The following CMTM8 variants were observed in gnomAD, a reference collection of about 807,000 sequenced individuals.
CMTM8 encodes the protein CKLF-like MARVEL transmembrane domain-containing protein 8.
In CMTM8, 12 loss-of-function variants were observed where a neutral mutation model predicts 18.6. That is an observed-to-expected ratio of 0.65 (90% CI 0.41 to 1.05). CMTM8 has a LOEUF of 1.05. Among genes scored for constraint, CMTM8 ranks in the 50% least tolerant of loss-of-function variants. The pLI, the probability that CMTM8 is intolerant of heterozygous loss-of-function variation, is 0.00. For synonymous variants in CMTM8, 87 were observed against 90.6 expected (o/e 0.96, Z 0.23); for missense variants, 217 against 227.2 (o/e 0.95, Z 0.29).
intron 1 of CMTM8, among the ~76,000 whole-genome samples, chr3:32,283,086 C>G (rs1702630797): frequency 6.6e-6 from 1 of 152,034 alleles, no homozygotes; most frequent in Admixed American, 6.6e-5. Context: ...TGCTGTATCC[C>G]TAGTACTTAA....
chr3:32,369,555 C>T (rs540210317), intron 3 of CMTM8, among the ~76,000 whole-genome samples: 3 of 152,100 alleles, frequency 2.0e-5, no homozygotes, highest in Admixed American at 1.3e-4. Flanking sequence ...TGTAGCAATC[C>T]GAGATTGTAC....
intron 1 of CMTM8, among the ~76,000 whole-genome samples, chr3:32,268,345 CA>C (rs1046782238): frequency 2.0e-5 from 3 of 151,954 alleles, no homozygotes; most frequent in African/African-American, 7.3e-5. Context: ...CTCGCAAGGA[CA>C]AAAAACCAAA....
chr3:32,304,260 A>C (rs550479778), intron 1 of CMTM8, among the ~76,000 whole-genome samples: 2 of 152,100 alleles, frequency 1.3e-5, no homozygotes, highest in Non-Finnish European at 2.9e-5. Flanking sequence ...TCTCATGTAA[A>C]AGTTTGGGTG....
At chr3:32,324,733 T>G (rs9870937) in intron 1 of CMTM8, among the ~76,000 whole-genome samples, 13,681 of 152,282 alleles carry the variant, frequency 0.09, 694 homozygotes, top group African/African-American at 0.12. Flanking sequence ...TGGCTGGGCC[T>G]GAGAATCAAA....
chr3:32,268,898 G>A (rs909504217), intron 1 of CMTM8, among the ~76,000 whole-genome samples: 2 of 152,214 alleles, frequency 1.3e-5, no homozygotes, highest in Non-Finnish European at 1.5e-5. Flanking sequence ...ATTATAACAG[G>A]TGCCGCTTTC....
chr3:32,267,437 T>C (rs1032492646), intron 1 of CMTM8, among the ~76,000 whole-genome samples: 43 of 152,180 alleles, frequency 2.8e-4, no homozygotes, highest in Non-Finnish European at 2.9e-5. Context: ...TTACACCTTA[T>C]ACAAAAATTA....
intron 1 of CMTM8, among the ~76,000 whole-genome samples, chr3:32,328,227 A>G (rs1448752248): frequency 6.6e-6 from 1 of 152,008 alleles, no homozygotes; most frequent in African/African-American, 2.4e-5. Context: ...AATACAAAAA[A>G]TTAGCCAGGT....
chr3:32,308,916 G>A (rs572104236), intron 1 of CMTM8, among the ~76,000 whole-genome samples: 3 of 152,262 alleles, frequency 2.0e-5, no homozygotes, highest in African/African-American at 7.2e-5. Context: ...TCCTTCCTAT[G>A]CTGGAAAGTC....
chr3:32,353,539 G>C (rs766145986), intron 1 of CMTM8, among the ~76,000 whole-genome samples: 1 of 152,194 alleles, frequency 6.6e-6, no homozygotes, highest in Non-Finnish European at 1.5e-5. Flanking sequence ...AGAGATGCAT[G>C]TGTAGTAGTG....
At chr3:32,325,708 GTATT>G (rs749048647) in intron 1 of CMTM8, among the ~76,000 whole-genome samples, 2 of 152,176 alleles carry the variant, frequency 1.3e-5, no homozygotes, top group African/African-American at 2.4e-5. Flanking sequence ...CAATGAAAAG[GTATT>G]TATTTATTTC....
Position 32,281,514 on chromosome 3 carries a change from G to A in CMTM8, c.147+42395G>A, listed in dbSNP as rs1241200106. On this transcript the variant is annotated intron_variant, in intron 1 of 3. Transcript: ENST00000307526. ...TAAAATTTCCTGGAGATAATATGCT[G>A]TGATGAATGCCATCTTGAAAACTGT... 3.9e-5 allele frequency among the ~76,000 whole-genome samples: 6 copies of A among 152,174 alleles called. No homozygotes were observed. In the South Asian group the frequency reaches 8.3e-4, roughly 21 times the overall value.
intron 2 of CMTM8, among the ~76,000 whole-genome samples, chr3:32,362,289 C>T (rs968508077): frequency 6.6e-6 from 1 of 151,900 alleles, no homozygotes; most frequent in Non-Finnish European, 1.5e-5. Flanking sequence ...GTAATCTGCC[C>T]GTCTTCGTCT....
At chr3:32,369,399 C>T (rs963744854) in intron 3 of CMTM8, among the ~76,000 whole-genome samples, 2 of 152,140 alleles carry the variant, frequency 1.3e-5, no homozygotes, top group Non-Finnish European at 1.5e-5. Flanking sequence ...CAAGTTAACA[C>T]GTAGCAAGAA....
chr3:32,276,165 C>G (rs933510037), intron 1 of CMTM8, among the ~76,000 whole-genome samples: 9 of 152,074 alleles, frequency 5.9e-5, no homozygotes, highest in African/African-American at 9.7e-5. Flanking sequence ...TCTGTTTTGT[C>G]TCCCTTCCCT....
At chr3:32,275,710 T>C (rs1235898329) in intron 1 of CMTM8, among the ~76,000 whole-genome samples, 2 of 146,778 alleles carry the variant, frequency 1.4e-5, no homozygotes, top group Non-Finnish European at 3.0e-5. Context: ...AGTGTGATAG[T>C]GTGACCACAG....
At chr3:32,327,150 T>A (rs1410196951) in intron 1 of CMTM8, among the ~76,000 whole-genome samples, 4 of 152,030 alleles carry the variant, frequency 2.6e-5, no homozygotes, top group Non-Finnish European at 5.9e-5. Context: ...ACAAAGGTGC[T>A]GTAAACAGGT....
chr3:32,303,860 A>T (rs967697370), intron 1 of CMTM8, among the ~76,000 whole-genome samples: 1 of 152,196 alleles, frequency 6.6e-6, no homozygotes, highest in African/African-American at 2.4e-5. Context: ...GTATGTATTT[A>T]CCAAAAATCA....
chr3:32,355,349 A>G (rs1167952393), intron 1 of CMTM8, among the ~76,000 whole-genome samples: 1 of 152,168 alleles, frequency 6.6e-6, no homozygotes, highest in African/African-American at 2.4e-5. Context: ...GAACAAGTCC[A>G]ACCCTGATCT....
intron 1 of CMTM8, among the ~76,000 whole-genome samples, chr3:32,289,914 C>G (rs76737672): frequency 6.6e-6 from 1 of 152,080 alleles, no homozygotes; most frequent in African/African-American, 2.4e-5. Context: ...GTAGATTGCT[C>G]GAGCTTAGAA....
Sources: gnomAD v4.1 joint callset for allele counts (sites outside exome capture counted in the v4.1 genomes callset) on GRCh38, gnomAD v4.1.1 for gene constraint, MANE v1.5 for transcripts, NCBI Gene and HGNC (gene_info 2026-07-23, HGNC 2026-07-21) for gene names.